Variants in CCDC157 observed in about 807,000 individuals in gnomAD.
CCDC157 encodes coiled-coil domain containing 157, also known as coiled-coil domain-containing protein 157.
In CCDC157, 60 loss-of-function variants were observed where a neutral mutation model predicts 70.9. That is an observed-to-expected ratio of 0.85 (90% confidence interval 0.69 to 1.05). The LOEUF is 1.05. Ranked by LOEUF, CCDC157 falls within the 50% of genes least tolerant of loss-of-function variation. The probability of loss-of-function intolerance (pLI) is 0.00; values close to 1 mark genes in which losing one functional copy is unlikely to be tolerated. For synonymous variants in CCDC157, 373 were observed against 422.4 expected (o/e 0.88, Z 1.43); for missense variants, 943 against 984.2 (o/e 0.96, Z 0.56).
At chr22:30,374,160 C>G in intron 9 of CCDC157, 69 bp downstream of exon 9, 1 of 1,516,962 alleles carries the variant, frequency 6.6e-7, no homozygotes, top group Non-Finnish European at 8.9e-7. Flanking sequence ...CTCGTGTGGG[C>G]AGGACACTGG....
In CCDC157 at chr22:30,373,495, T is replaced by C. The variant is rs995736864; in HGVS notation, c.1336-102T>C. On this transcript the variant is annotated intron_variant, in intron 7 of 11. Transcript: ENST00000338306. ...GACACAGACACACACCCCAGGGGGG[T>C]AGCAGCCGAGGGGTAGTAGATGCTG... The C allele has an allele frequency of 3.1e-6, 4 of 1,292,344 alleles. No individual in the cohort carries two copies. The South Asian group carries it at 5.4e-5, about 18-fold the overall frequency. The allele number at this position is 1,292,344 out of a possible 1,614,324, so 80.1% of individuals were successfully genotyped here.
intron 7 of CCDC157, chr22:30,373,241 A>T (rs1349489642): frequency 4.0e-6 from 1 of 250,986 alleles, no homozygotes; most frequent in Admixed American, 5.0e-5. Context: ...ATGATGTGAC[A>T]CTGGAGACCC....
rs996021608 is a variant in CCDC157, at chr22:30,378,330, A to G, written c.*1585A>G. ...TATAAGACAGAACCCAACCATGGGC[A>G]TAAAATCCCTTTGAGAAGCCAGGCG... On this transcript the variant is annotated 3_prime_UTR_variant, in exon 12 of 12. Coordinates refer to ENST00000338306, the MANE Select transcript of CCDC157 (RefSeq NM_001017437.5). 3.2e-6 allele frequency: 1 copy of G among 310,990 alleles called. No individual in the cohort carries two copies. The highest frequency in any genetic ancestry group is 6.6e-6 in the Non-Finnish European group (1 of 150,988). 19.3% of individuals were successfully genotyped at this position (310,990 alleles called of 1,614,324 possible).
rs559452755 is a variant in CCDC157 at position 30,374,267 on chromosome 22, G to A, written c.1672+176G>A. ...ACCACAGCACGCAAGTGCTTCATGC[G>A]TCATCCACTCTGCATAGACAGGGAC... On this transcript the variant is annotated intron_variant, in intron 9 of 11. Coordinates refer to ENST00000338306, the MANE Select transcript of CCDC157 (RefSeq NM_001017437.5). 4.6e-5 allele frequency: 33 copies of A among 711,078 alleles called. 1 individual carries two copies. Among genetic ancestry groups the A allele is most frequent in the South Asian group, 3.3e-4 (19 of 57,250 alleles). 44.0% of individuals were successfully genotyped at this position (711,078 alleles called of 1,614,324 possible).
At chr22:30,374,731 T>C (rs1025561590) in intron 9 of CCDC157, 3 of 456,578 alleles carry the variant, frequency 6.6e-6, no homozygotes, top group African/African-American at 6.0e-5. Flanking sequence ...CTATTTCCCA[T>C]AGCAGGAAAC....
Position 30,374,016 on chromosome 22 carries a change from GAGGAGCTGA to G in CCDC157, c.1604_1612del (p.Leu535_Glu537del). 1 of 1,611,974 alleles carries G rather than the reference GAGGAGCTGA, an allele frequency of 6.2e-7. No homozygotes were observed. Among genetic ancestry groups the G allele is most frequent in the Non-Finnish European group, 8.5e-7 (1 of 1,179,304 alleles). ...CATCCTGGAGCTAGAACGGGAGCTGGAGGAGCTGAAGGAGCGGGAGCGGCTGCTGGTGGC... is the reference window on the plus strand; with the variant it reads ...CATCCTGGAGCTAGAACGGGAGCTGGAGGAGCGGGAGCGGCTGCTGGTGGC... On this transcript the variant is annotated inframe_deletion, in exon 9 of 12. Coordinates refer to ENST00000338306, the MANE Select transcript of CCDC157 (RefSeq NM_001017437.5).
chr22:30,374,107 T>A lies in CCDC157; in HGVS notation c.1672+16T>A. ...CAGATCCATGGTAGGGGACTGGGGA[T>A]GGTGCCAAGGGCATGCTGGGGCTCA... On this transcript the variant is annotated intron_variant, in intron 9 of 11. Transcript: ENST00000338306. 6.3e-7 allele frequency: 1 copy of A among 1,581,094 alleles called. No homozygotes were observed. The highest frequency in any genetic ancestry group is 8.6e-7 in the Non-Finnish European group (1 of 1,165,204).
At chr22:30,365,137 G>T (rs1932634137) in intron 2 of CCDC157, among the ~76,000 whole-genome samples, 1 of 152,220 alleles carries the variant, frequency 6.6e-6, no homozygotes, top group African/African-American at 2.4e-5. Context: ...ATCTAAGCCA[G>T]CATGGAGGGT....
intron 5 of CCDC157, chr22:30,371,188 T>G (rs1932923345): frequency 1.7e-6 from 1 of 584,460 alleles, no homozygotes; most frequent in Admixed American, 3.0e-5. Context: ...TTGCCCAGAC[T>G]CGTCCATCGG....
At chr22:30,373,513 A>G in intron 7 of CCDC157, 84 bp from the exon 8 acceptor site, 1 of 1,441,234 alleles carries the variant, frequency 6.9e-7, no homozygotes, top group Non-Finnish European at 9.5e-7. Flanking sequence ...GAGGGGTAGT[A>G]GATGCTGTAG....
intron 10 of CCDC157, chr22:30,375,901 C>T (rs944447429): frequency 3.5e-5 from 20 of 563,930 alleles, no homozygotes; most frequent in Middle Eastern, 9.2e-4. Context: ...CAAGAAGCCT[C>T]GTCAGGCCGG....
At chr22:30,363,218 G>A (rs1432952637) in intron 2 of CCDC157, among the ~76,000 whole-genome samples, 1 of 152,140 alleles carries the variant, frequency 6.6e-6, no homozygotes, top group Non-Finnish European at 1.5e-5. Context: ...CTGAGTCAAG[G>A]GTCATAGACT....
chr22:30,369,608 G>A lies in CCDC157; in HGVS notation c.420+5G>A. ...CACCAGCAGCCACTCCCCCAGGTGG[G>A]TCCCAGCCTCTGTCTCAGGTGGGTC... On this transcript the variant is annotated splice_donor_5th_base_variant and intron_variant, in intron 4 of 11. Coordinates refer to ENST00000338306, the MANE Select transcript of CCDC157 (RefSeq NM_001017437.5). 1 of 1,529,476 alleles carries A rather than the reference G, an allele frequency of 6.5e-7. No individual in the cohort carries two copies. Among genetic ancestry groups the A allele is most frequent in the Non-Finnish European group, 8.8e-7 (1 of 1,140,452 alleles). 94.7% of individuals were successfully genotyped at this position (1,529,476 alleles called of 1,614,324 possible). A position where few individuals can be genotyped will look rare whatever the true frequency, so the allele number is the denominator to read the frequency against.
intron 9 of CCDC157, 167 bp from the exon 10 acceptor site, chr22:30,375,312 T>C (rs9608891): frequency 1.1e-5 from 7 of 631,868 alleles, no homozygotes; most frequent in Non-Finnish European, 1.9e-5. Flanking sequence ...TTTATAATAC[T>C]ATGGTCATCT....
rs185099385 is a variant in CCDC157, at chr22:30,376,581, C to T, written c.2095C>T (p.Arg699Trp). 73 of 1,613,382 alleles carry T rather than the reference C, an allele frequency of 4.5e-5. No individual in the cohort carries two copies. The East Asian group carries it at 1.6e-3, about 35-fold the overall frequency. ...TCGGCAGCCCTGCACATCCCCATCT[C>T]GGCAGCCCTGCAGCCAGCCCAGCAA... ...PPRQPCTSPS[R>W]QPCSQPSKSL... Residue 699 changes from arginine to tryptophan, a missense_variant, in exon 12 of 12, where the codon CGG becomes TGG. By Grantham distance (101) the Arg-to-Trp change is moderately radical. Coordinates refer to ENST00000338306, the MANE Select transcript of CCDC157 (RefSeq NM_001017437.5).
chr22:30,376,681 A>G lies in CCDC157; in HGVS notation c.2195A>G (p.Lys732Arg). 1 of 1,613,634 alleles carries G rather than the reference A, an allele frequency of 6.2e-7. No homozygotes were observed. Among genetic ancestry groups the G allele is most frequent in the South Asian group, 1.1e-5 (1 of 91,072 alleles). Residue 732 changes from lysine (K) to arginine (R), a missense_variant, in exon 12 of 12, where the codon AAG becomes AGG. Lys to Arg is a conservative substitution (Grantham distance 26). Coordinates refer to ENST00000338306, the MANE Select transcript of CCDC157 (RefSeq NM_001017437.5). Reference protein sequence around the residue: ...NPIKVLVRLRKRLSPGRGQAS... With the variant: ...NPIKVLVRLRRRLSPGRGQAS... ...ATCAAGGTCTTGGTCAGGCTGAGAA[A>G]GAGACTGTCACCTGGCCGGGGACAG...
At chr22:30,365,879 TGGGGTGAACTTCC>T (rs1295213725) in intron 2 of CCDC157, 98 bp from the exon 3 acceptor site, 3 of 1,069,430 alleles carry the variant, frequency 2.8e-6, no homozygotes, top group Non-Finnish European at 4.0e-6. Context: ...CCCCAGGGTC[TGGGGTGAACTTCC>T]GGCCTAGCAG....
rs200955387 is a variant in CCDC157, at chr22:30,366,106, C to T, written c.106C>T (p.Arg36Cys). The T allele has an allele frequency of 2.4e-5, 38 of 1,612,834 alleles. No individual in the cohort carries two copies. In the African/African-American group the frequency reaches 3.3e-4, roughly 14 times the overall value. Residue 36 changes from arginine (R) to cysteine (C), a missense_variant, in exon 3 of 12, where the codon CGC (arginine) becomes TGC (cysteine). Coordinates refer to ENST00000338306, the MANE Select transcript of CCDC157 (RefSeq NM_001017437.5). ...VDVFSRAGPV[R>C]FPSWKFPDRM... Reference sequence around the variant, plus strand: ...CGTCTTCTCCCGCGCCGGGCCTGTGCGCTTCCCCTCCTGGAAGTTCCCTGA... The same window carrying T: ...CGTCTTCTCCCGCGCCGGGCCTGTGTGCTTCCCCTCCTGGAAGTTCCCTGA...
At chr22:30,364,284 G>A (rs748575368) in intron 2 of CCDC157, among the ~76,000 whole-genome samples, 9 of 151,500 alleles carry the variant, frequency 5.9e-5, no homozygotes, top group Non-Finnish European at 1.2e-4. Flanking sequence ...GCTACAGTGA[G>A]CTGTGAGGGT....
Sources: allele counts gnomAD v4.1 joint callset (sites outside exome capture counted in the v4.1 genomes callset), GRCh38; gene constraint gnomAD v4.1.1; transcripts MANE v1.5; gene names NCBI Gene and HGNC (gene_info 2026-07-23, HGNC 2026-07-21).